Variants in RBFOX1 observed in about 807,000 individuals in gnomAD.
RBFOX1 encodes the protein RNA binding fox-1 homolog 1, also known as RNA binding protein fox-1 homolog 1.
In RBFOX1, 8 loss-of-function variants were observed where a neutral mutation model predicts 57.7. The ratio of observed to expected loss-of-function variants is 0.14; its 90% CI spans 0.08 to 0.25. The LOEUF (loss-of-function observed/expected upper bound fraction) is 0.25. Ranked by LOEUF, RBFOX1 falls within the 10% of genes least tolerant of loss-of-function variation. RBFOX1 has a pLI of 1.00. For missense variants in RBFOX1, 611 were observed against 548.5 expected, an observed-to-expected ratio of 1.11 and a Z score of -1.14; for synonymous variants, 326 against 222.4, an observed-to-expected ratio of 1.47 and a Z score of -4.15.
chr16:6,315,397 GATGGGTCT>G (rs1032745608), intron 1 of RBFOX1, among the ~76,000 whole-genome samples: 13 of 151,460 alleles, frequency 8.6e-5, no homozygotes, highest in African/African-American at 2.9e-4. Context: ...TGGATGGATC[GATGGGTCT>G]ATGGGTGGAT....
At chr16:7,186,911 A>G (rs2083974014) in intron 4 of RBFOX1, among the ~76,000 whole-genome samples, 1 of 149,190 alleles carries the variant, frequency 6.7e-6, no homozygotes, top group Non-Finnish European at 1.5e-5. Context: ...TAATTTCAGC[A>G]CTTTGGGAAA....
chr16:6,430,071 G>T (rs1372710882), intron 2 of RBFOX1, among the ~76,000 whole-genome samples: 1 of 151,774 alleles, frequency 6.6e-6, no homozygotes, highest in Non-Finnish European at 1.5e-5. Flanking sequence ...TCACGTCACT[G>T]CATTCCAGCC....
intron 3 of RBFOX1, among the ~76,000 whole-genome samples, chr16:5,685,605 A>G (rs1235097500): frequency 6.6e-6 from 1 of 152,234 alleles, no homozygotes; most frequent in Non-Finnish European, 1.5e-5. Flanking sequence ...TGAACTTTGT[A>G]GGTTCTTTCA....
intron 3 of RBFOX1, among the ~76,000 whole-genome samples, chr16:5,627,349 T>C (rs1241004624): frequency 2.0e-5 from 3 of 152,176 alleles, no homozygotes; most frequent in Non-Finnish European, 4.4e-5. Flanking sequence ...TCTGGTAGAA[T>C]TGTAAAACAG....
intron 3 of RBFOX1, among the ~76,000 whole-genome samples, chr16:6,842,917 C>A (rs2093563466): frequency 6.6e-6 from 1 of 152,034 alleles, no homozygotes; most frequent in African/African-American, 2.4e-5. Flanking sequence ...TGAGAACATG[C>A]AGTGTTTGGT....
intron 2 of RBFOX1, among the ~76,000 whole-genome samples, chr16:6,653,759 T>C (rs1023904403): frequency 6.6e-6 from 1 of 150,902 alleles, no homozygotes; most frequent in Non-Finnish European, 1.5e-5. Flanking sequence ...GGTGGGTAGA[T>C]GAATGGGTGG....
At chr16:5,436,867 T>G (rs919294233) in intron 1 of RBFOX1, among the ~76,000 whole-genome samples, 1 of 152,164 alleles carries the variant, frequency 6.6e-6, no homozygotes, top group African/African-American at 2.4e-5. Context: ...TCAGATAACT[T>G]AAATTTTTGC....
chr16:7,648,812 G>A (rs17144469), intron 11 of RBFOX1, among the ~76,000 whole-genome samples: 1,909 of 152,206 alleles, frequency 0.013, 44 homozygotes, highest in African/African-American at 0.043. Flanking sequence ...TGCTGCCATC[G>A]AGGAGAATTT....
chr16:6,438,654 G>T (rs1003180166), intron 2 of RBFOX1, among the ~76,000 whole-genome samples: 29 of 152,110 alleles, frequency 1.9e-4, no homozygotes, highest in African/African-American at 6.8e-4. Context: ...GTTGGGGTTG[G>T]CGTTGTTTGG....
chr16:7,467,100 T>G (rs568870422), intron 4 of RBFOX1, among the ~76,000 whole-genome samples: 1 of 152,338 alleles, frequency 6.6e-6, no homozygotes, highest in South Asian at 2.1e-4. Flanking sequence ...AATTGCGATA[T>G]GAAGGATAAG....
chr16:7,275,801 C>T (rs1249837007), intron 4 of RBFOX1, among the ~76,000 whole-genome samples: 1 of 152,186 alleles, frequency 6.6e-6, no homozygotes, highest in Non-Finnish European at 1.5e-5. Context: ...GAAGGTATAG[C>T]TTTACATGTT....
intron 4 of RBFOX1, among the ~76,000 whole-genome samples, chr16:7,416,231 C>A (rs957276087): frequency 6.6e-6 from 1 of 152,154 alleles, no homozygotes; most frequent in Non-Finnish European, 1.5e-5. Context: ...GCCAAGGAAA[C>A]AGATATTATT....
At chr16:6,846,896 C>T (rs960988191) in intron 3 of RBFOX1, among the ~76,000 whole-genome samples, 2 of 150,568 alleles carry the variant, frequency 1.3e-5, no homozygotes, top group Non-Finnish European at 2.9e-5. Flanking sequence ...AAGGGAAAGA[C>T]TGCCTCTAAA....
intron 4 of RBFOX1, among the ~76,000 whole-genome samples, chr16:7,488,662 A>G (rs762030971): frequency 4.6e-5 from 7 of 152,114 alleles, no homozygotes; most frequent in Non-Finnish European, 7.4e-5. Context: ...ACGTACATCA[A>G]TCTGTCCATC....
At chr16:7,252,665 G>A (rs1408044176) in intron 4 of RBFOX1, among the ~76,000 whole-genome samples, 3 of 150,388 alleles carry the variant, frequency 2.0e-5, no homozygotes, top group African/African-American at 7.3e-5. Context: ...TCAGCTACTT[G>A]TCCTAGACGT....
At chr16:6,984,638 T>C (rs987856083) in intron 3 of RBFOX1, among the ~76,000 whole-genome samples, 1 of 152,102 alleles carries the variant, frequency 6.6e-6, no homozygotes. Context: ...ATGCCTTCTT[T>C]ACTTAATATT....
chr16:5,984,414 G>T (rs935119635), intron 4 of RBFOX1, among the ~76,000 whole-genome samples: 2 of 151,632 alleles, frequency 1.3e-5, no homozygotes, highest in Non-Finnish European at 2.9e-5. Flanking sequence ...AAACTGCAGG[G>T]AGAAGAGGAA....
At chr16:7,255,929 T>C (rs952171360) in intron 4 of RBFOX1, among the ~76,000 whole-genome samples, 1 of 152,188 alleles carries the variant, frequency 6.6e-6, no homozygotes, top group Non-Finnish European at 1.5e-5. Context: ...CTAGAGGAAA[T>C]ATAATAAGAT....
chr16:6,767,257 G>T (rs1346105900), intron 3 of RBFOX1, among the ~76,000 whole-genome samples: 1 of 151,974 alleles, frequency 6.6e-6, no homozygotes, highest in Admixed American at 6.6e-5. Flanking sequence ...TGACCAAGTG[G>T]CTCAAGTCTC....
Sources: gnomAD v4.1 joint callset for allele counts (sites outside exome capture counted in the v4.1 genomes callset) on GRCh38, gnomAD v4.1.1 for gene constraint, MANE v1.5 for transcripts, NCBI Gene and HGNC (gene_info 2026-07-23, HGNC 2026-07-21) for gene names.